NDFIP2: variants seen among roughly 807,000 people sequenced by gnomAD.
The protein encoded by NDFIP2 is NEDD4 family-interacting protein 2.
A neutral mutation model predicts 36.0 loss-of-function variants in NDFIP2; 19 were observed. The ratio of observed to expected loss-of-function variants is 0.53; its 90% CI spans 0.37 to 0.77. The LOEUF (loss-of-function observed/expected upper bound fraction) is 0.77, where lower values mean the gene tolerates loss of function less well. NDFIP2 is among the 30% of genes least tolerant of loss of function. NDFIP2 has a pLI of 0.00. For missense variants in NDFIP2, 446 were observed against 435.8 expected (o/e 1.02, Z -0.21); for synonymous variants, 181 against 167.7 (o/e 1.08, Z -0.61).
At chr13:79,541,514 A>G (rs1300206561) in intron 4 of NDFIP2, among the ~76,000 whole-genome samples, 2 of 151,902 alleles carry the variant, frequency 1.3e-5, no homozygotes, top group Non-Finnish European at 2.9e-5. Context: ...ATATTGTACC[A>G]ACATTATAAC....
chr13:79,482,817 A>T (rs982310995), intron 1 of NDFIP2, among the ~76,000 whole-genome samples: 1 of 152,232 alleles, frequency 6.6e-6, no homozygotes, highest in Non-Finnish European at 1.5e-5. Flanking sequence ...TTGAAAATTT[A>T]TCAGCTTTTC....
intron 1 of NDFIP2, among the ~76,000 whole-genome samples, chr13:79,506,412 C>T (rs1873869559): frequency 6.6e-6 from 1 of 152,068 alleles, no homozygotes; most frequent in African/African-American, 2.4e-5. Flanking sequence ...TTTTAAATGG[C>T]TATATAATAT....
chr13:79,544,489 CT>C (rs1469482123), intron 5 of NDFIP2, among the ~76,000 whole-genome samples: 3 of 147,478 alleles, frequency 2.0e-5, no homozygotes, highest in Non-Finnish European at 4.4e-5. Context: ...ATGTTTCTTC[CT>C]AGTTTTTTTT....
At chr13:79,540,625 T>C (rs948347888) in intron 4 of NDFIP2, among the ~76,000 whole-genome samples, 2 of 152,174 alleles carry the variant, frequency 1.3e-5, no homozygotes, top group Non-Finnish European at 2.9e-5. Flanking sequence ...CGAGAAATAA[T>C]TTACTTATTT....
intron 2 of NDFIP2, among the ~76,000 whole-genome samples, chr13:79,524,897 G>C (rs563012848): frequency 6.6e-6 from 1 of 152,098 alleles, no homozygotes; most frequent in African/African-American, 2.4e-5. Flanking sequence ...ATGCCTTGAT[G>C]CCTCCTTTGT....
intron 1 of NDFIP2, among the ~76,000 whole-genome samples, chr13:79,501,605 T>C (rs575366153): frequency 1.3e-5 from 2 of 152,266 alleles, no homozygotes; most frequent in South Asian, 2.1e-4. Flanking sequence ...TCTGAAGTTA[T>C]TCAAATTATG....
At chr13:79,539,159 T>C (rs1875364213) in intron 3 of NDFIP2, among the ~76,000 whole-genome samples, 1 of 152,250 alleles carries the variant, frequency 6.6e-6, no homozygotes. Flanking sequence ...TTTGCTCTTA[T>C]TAACATTGCT....
intron 3 of NDFIP2, among the ~76,000 whole-genome samples, chr13:79,538,225 T>C (rs1875319248): frequency 6.6e-6 from 1 of 152,204 alleles, no homozygotes; most frequent in South Asian, 2.1e-4. Context: ...GGATTACAGT[T>C]GAATATGAGA....
chr13:79,523,262 C>T lies in NDFIP2; in HGVS notation c.487+2287C>T, dbSNP rs553077519. ...TAAGATGGAGTTTCATTCTTGTTGC[C>T]CAGGCTGGAGTGCAATGGCGTGATC... On this transcript the variant is annotated intron_variant, in intron 2 of 7. Coordinates refer to ENST00000218652, the MANE Select transcript of NDFIP2 (RefSeq NM_019080.3). Among the ~76,000 whole-genome samples, 154 of 152,052 alleles carry T rather than the reference C, an allele frequency of 1.0e-3. 1 individual carries two copies. Among genetic ancestry groups the T allele is most frequent in the African/African-American group, 3.6e-3 (148 of 41,462 alleles).
At chr13:79,530,517 T>A (rs1874974973) in intron 2 of NDFIP2, among the ~76,000 whole-genome samples, 1 of 152,226 alleles carries the variant, frequency 6.6e-6, no homozygotes, top group African/African-American at 2.4e-5. Flanking sequence ...CAGTGCTGTT[T>A]ATGGCATTTT....
intron 1 of NDFIP2, among the ~76,000 whole-genome samples, chr13:79,487,276 G>A (rs1177806517): frequency 1.3e-5 from 2 of 151,984 alleles, no homozygotes; most frequent in South Asian, 2.1e-4. Flanking sequence ...GAATCATACA[G>A]CATGTAGTCT....
In NDFIP2 at chr13:79,539,557, C is replaced by T. The variant is rs879217615; in HGVS notation, c.622-125C>T. ...TGATTACTCTGTGCCAGACATTGTA[C>T]TCATTATTGCATTTGTCTATACAAC... On this transcript the variant is annotated intron_variant, in intron 3 of 7. Transcript: ENST00000218652. The T allele has an allele frequency of 1.7e-4, 119 of 681,394 alleles. No individual in the cohort carries two copies. In the Middle Eastern group the frequency reaches 2.7e-3, roughly 16 times the overall value. The allele number at this position is 681,394 out of a possible 1,614,324, so 42.2% of individuals were successfully genotyped here.
chr13:79,499,980 T>C (rs550886287), intron 1 of NDFIP2, among the ~76,000 whole-genome samples: 1 of 151,882 alleles, frequency 6.6e-6, no homozygotes. Flanking sequence ...ACTATAGATA[T>C]ATGGTAATCA....
chr13:79,534,189 C>A (rs1357124006), intron 3 of NDFIP2, among the ~76,000 whole-genome samples: 1 of 152,054 alleles, frequency 6.6e-6, no homozygotes, highest in Non-Finnish European at 1.5e-5. Context: ...TATCTTCTTA[C>A]ATAGTTTGAA....
chr13:79,481,667 G>T (rs2079814226), intron 1 of NDFIP2, 143 bp downstream of exon 1: 1 of 1,057,336 alleles, frequency 9.5e-7, no homozygotes, highest in Non-Finnish European at 1.3e-6. Flanking sequence ...CTTCTGGCTG[G>T]AGCTGCTTCA....
At chr13:79,538,124 G>A (rs943463247) in intron 3 of NDFIP2, among the ~76,000 whole-genome samples, 1 of 152,124 alleles carries the variant, frequency 6.6e-6, no homozygotes, top group Non-Finnish European at 1.5e-5. Flanking sequence ...TCACTCTCAT[G>A]AGAACAGCGC....
At chr13:79,538,735 A>T (rs1489116603) in intron 3 of NDFIP2, among the ~76,000 whole-genome samples, 1 of 152,050 alleles carries the variant, frequency 6.6e-6, no homozygotes, top group Non-Finnish European at 1.5e-5. Context: ...GGCATGTGCC[A>T]CCATACCTGG....
At chr13:79,499,972 T>C (rs1873592248) in intron 1 of NDFIP2, among the ~76,000 whole-genome samples, 1 of 151,906 alleles carries the variant, frequency 6.6e-6, no homozygotes, top group Non-Finnish European at 1.5e-5. Flanking sequence ...AAGAGTTAAC[T>C]ATAGATATAT....
chr13:79,503,419 C>T (rs1873742124), intron 1 of NDFIP2, among the ~76,000 whole-genome samples: 1 of 152,052 alleles, frequency 6.6e-6, no homozygotes, highest in Non-Finnish European at 1.5e-5. Flanking sequence ...GAAGGTCATA[C>T]AAGTTTTGCA....
Sources: allele counts gnomAD v4.1 joint callset (sites outside exome capture counted in the v4.1 genomes callset), GRCh38; gene constraint gnomAD v4.1.1; transcripts MANE v1.5; gene names NCBI Gene and HGNC (gene_info 2026-07-23, HGNC 2026-07-21).